The following CDH12 variants were observed in gnomAD, a reference collection of about 807,000 sequenced individuals.
CDH12 encodes the protein cadherin-12.
A neutral mutation model predicts 74.1 loss-of-function variants in CDH12; 41 were observed. That is an observed-to-expected ratio of 0.55 (90% CI 0.43 to 0.72). The LOEUF is 0.72. Ranked by LOEUF, CDH12 falls within the 30% of genes least tolerant of loss-of-function variation. CDH12 has a pLI of 0.00. For missense variants in CDH12, 945 were observed against 977.2 expected, an observed-to-expected ratio of 0.97 and a Z score of 0.44; for synonymous variants, 399 against 355.0, an observed-to-expected ratio of 1.12 and a Z score of -1.39.
At chr5:22,240,031 T>C (rs7447715) in intron 3 of CDH12, among the ~76,000 whole-genome samples, 151,293 of 152,220 alleles carry the variant, frequency 0.99, 75,199 homozygotes, top group Middle Eastern at 1. Context: ...CCTAAGAATT[T>C]GTTACAAATT....
intron 3 of CDH12, among the ~76,000 whole-genome samples, chr5:22,279,128 T>C (rs929744152): frequency 1.3e-5 from 2 of 152,146 alleles, no homozygotes; most frequent in Non-Finnish European, 2.9e-5. Flanking sequence ...AACATTCATA[T>C]GCTTTTACCA....
chr5:22,078,390 C>T (rs1275729863), intron 5 of CDH12, 56 bp downstream of exon 5: 1 of 1,469,558 alleles, frequency 6.8e-7, no homozygotes, highest in African/African-American at 1.4e-5. Flanking sequence ...ATACAAAATA[C>T]ACAATGCATA....
chr5:22,478,053 G>A (rs1232597460), intron 2 of CDH12, among the ~76,000 whole-genome samples: 1 of 152,130 alleles, frequency 6.6e-6, no homozygotes, highest in Non-Finnish European at 1.5e-5. Context: ...GAGAAAGTCA[G>A]TATTTGGTAA....
At chr5:21,940,823 C>G (rs1252067756) in intron 6 of CDH12, among the ~76,000 whole-genome samples, 1 of 152,010 alleles carries the variant, frequency 6.6e-6, no homozygotes, top group Non-Finnish European at 1.5e-5. Context: ...GTCTCTATCT[C>G]TGTTTCTTTC....
intron 1 of CDH12, among the ~76,000 whole-genome samples, chr5:22,529,182 TATATATAGAGAGAG>T (rs1485514853): frequency 2.1e-4 from 20 of 96,774 alleles, no homozygotes; most frequent in African/African-American, 6.9e-4. Flanking sequence ...TATATATATA[TATATATAGAGAGAG>T]AGAGAGAGAG....
At chr5:22,779,385 C>T (rs1747274005) in intron 1 of CDH12, among the ~76,000 whole-genome samples, 1 of 125,586 alleles carries the variant, frequency 8.0e-6, no homozygotes, top group Non-Finnish European at 1.6e-5. Context: ...TCATGTGTAC[C>T]TAGTTATATA....
intron 1 of CDH12, among the ~76,000 whole-genome samples, chr5:22,808,688 T>C (rs1040231537): frequency 7.0e-6 from 1 of 143,764 alleles, no homozygotes; most frequent in African/African-American, 2.6e-5. Context: ...TCACTGCAAC[T>C]TCTGCTCCCG....
At chr5:21,752,311 A>G (rs902246397) in intron 14 of CDH12, 75 bp from the exon 15 acceptor site, 1 of 1,382,564 alleles carries the variant, frequency 7.2e-7, no homozygotes, top group African/African-American at 1.4e-5. Flanking sequence ...AAAATTAAAA[A>G]TGATTAGGGG....
At chr5:22,094,337 T>A (rs1485164814) in intron 4 of CDH12, among the ~76,000 whole-genome samples, 4 of 152,230 alleles carry the variant, frequency 2.6e-5, no homozygotes, top group Non-Finnish European at 5.9e-5. Flanking sequence ...CAGAAATAGA[T>A]ACTATGCTGC....
At chr5:22,004,706 T>C (rs1174605818) in intron 5 of CDH12, among the ~76,000 whole-genome samples, 1 of 152,196 alleles carries the variant, frequency 6.6e-6, no homozygotes, top group African/African-American at 2.4e-5. Flanking sequence ...TACATGGATG[T>C]ATTGGGTAAT....
chr5:22,392,840 T>G (rs1033388260), intron 3 of CDH12, among the ~76,000 whole-genome samples: 8 of 152,270 alleles, frequency 5.3e-5, no homozygotes, highest in Non-Finnish European at 1.0e-4. Context: ...GAGAGATTGC[T>G]TGGGAAAACC....
intron 2 of CDH12, among the ~76,000 whole-genome samples, chr5:22,459,132 A>G (rs1050622736): frequency 1.3e-5 from 2 of 152,168 alleles, no homozygotes; most frequent in African/African-American, 4.8e-5. Context: ...ACTCTGTTGT[A>G]ATTGAAAAAT....
intron 1 of CDH12, among the ~76,000 whole-genome samples, chr5:22,675,854 T>G (rs1296567931): frequency 7.0e-6 from 1 of 141,996 alleles, no homozygotes; most frequent in African/African-American, 2.7e-5. Context: ...TTGTATATAT[T>G]TATACTTTTG....
At chr5:22,168,586 T>C (rs1255681215) in intron 4 of CDH12, among the ~76,000 whole-genome samples, 1 of 152,054 alleles carries the variant, frequency 6.6e-6, no homozygotes, top group African/African-American at 2.4e-5. Context: ...TTCCTTCTCA[T>C]TGTATTAAAA....
chr5:22,328,638 T>C (rs1489463254), intron 3 of CDH12, among the ~76,000 whole-genome samples: 1 of 152,108 alleles, frequency 6.6e-6, no homozygotes, highest in African/African-American at 2.4e-5. Flanking sequence ...ATTTGTGCCA[T>C]AAAACAACAG....
chr5:21,797,201 GA>G (rs1561192875), intron 10 of CDH12, among the ~76,000 whole-genome samples: 11 of 151,916 alleles, frequency 7.2e-5, no homozygotes, highest in Non-Finnish European at 1.6e-4. Context: ...TGATGATGAT[GA>G]TGATGATGAT....
At position 21,992,539 on chromosome 5, in the gene CDH12, G is replaced by T. The variant is rs965559145; in HGVS notation, c.232-17154C>A. Among the ~76,000 whole-genome samples, 30 of 151,936 alleles carry T rather than the reference G, an allele frequency of 2.0e-4. No individual in the cohort carries two copies. The South Asian group carries it at 5.2e-3, about 26-fold the overall frequency. Reference sequence around the variant, plus strand: ...TAAGGTTCTCCTAATGATTCTTGGAGTCCATGGAATTATGTGTGTGCATAC... The same window carrying T: ...TAAGGTTCTCCTAATGATTCTTGGATTCCATGGAATTATGTGTGTGCATAC... On this transcript the variant is annotated intron_variant, in intron 5 of 14. Transcript: ENST00000382254.
intron 5 of CDH12, among the ~76,000 whole-genome samples, chr5:21,990,620 A>G (rs1004100514): frequency 1.3e-5 from 2 of 152,056 alleles, no homozygotes; most frequent in African/African-American, 4.8e-5. Context: ...TGCATGAGAA[A>G]ACTGACTGGA....
intron 11 of CDH12, among the ~76,000 whole-genome samples, chr5:21,782,571 G>A (rs1166175479): frequency 6.6e-6 from 1 of 152,140 alleles, no homozygotes; most frequent in Non-Finnish European, 1.5e-5. Flanking sequence ...GAAGAAGGAA[G>A]CAAATGGAAG....
Sources: gnomAD v4.1 joint callset for allele counts (sites outside exome capture counted in the v4.1 genomes callset) on GRCh38, gnomAD v4.1.1 for gene constraint, MANE v1.5 for transcripts, NCBI Gene and HGNC (gene_info 2026-07-23, HGNC 2026-07-21) for gene names.